OTUD1: variants seen among roughly 807,000 people sequenced by gnomAD.
OTUD1 encodes the protein OTU deubiquitinase 1.
A neutral mutation model predicts 30.0 loss-of-function variants in OTUD1; 15 were observed. The ratio of observed to expected loss-of-function variants is 0.50; its 90% confidence interval spans 0.33 to 0.77. The LOEUF is 0.77. Among genes scored for constraint, OTUD1 ranks in the 30% least tolerant of loss-of-function variants. The pLI is 0.02. For missense variants in OTUD1, 796 were observed against 697.8 expected (o/e 1.14, Z -1.59); for synonymous variants, 381 against 326.3 (o/e 1.17, Z -1.81).
At position 23,441,137 on chromosome 10, in the gene OTUD1, A is replaced by G. The variant is rs1023712816; in HGVS notation, c.*234A>G. ...TTTACTGCTATTTATAATTTGCTGT[A>G]TAAAGTGAGCATTACTTAATTTGCA... is the stretch of plus-strand genomic sequence containing the variant. On this transcript the variant is annotated 3_prime_UTR_variant, in exon 1 of 1. Transcript: ENST00000376495. The G allele has an allele frequency of 4.0e-5, 21 of 530,172 alleles. No individual in the cohort carries two copies. The highest frequency in any genetic ancestry group is 7.6e-5 in the African/African-American group (4 of 52,288). The allele number at this position is 530,172 out of a possible 1,614,324, so 32.8% of individuals were successfully genotyped here.
Position 23,440,899 on chromosome 10 carries a change from C to G in OTUD1, c.1442C>G (p.Ser481Cys). Residue 481 changes from serine to cysteine, a missense_variant, in exon 1 of 1, where the codon TCT becomes TGT. Physicochemically the swap from Ser to Cys is moderately radical, Grantham distance 112 (BLOSUM62 -1). Transcript: ENST00000376495. The stretch of plus-strand genomic sequence containing the variant: ...ATGTATATTGAACAAAATGCATGCT[C>G]TTGAAATGTCTCAAAACCTTACACC... The part of the protein sequence containing the change: ...SKMYIEQNAC[S>C] 1 of 1,549,454 alleles carries G rather than the reference C, an allele frequency of 6.5e-7. No homozygotes were observed. The highest frequency in any genetic ancestry group is 8.7e-7 in the Non-Finnish European group (1 of 1,145,788).
rs749645076 is a variant in OTUD1 at position 23,440,245 on chromosome 10, C to G, written c.788C>G (p.Pro263Arg). The change falls in exon 1 of 1, where the codon CCC becomes CGC. Residue 263 changes from proline to arginine, a missense_variant. Physicochemically the swap from Pro to Arg is moderately radical, Grantham distance 103. Coordinates refer to ENST00000376495, the MANE Select transcript of OTUD1 (RefSeq NM_001145373.3). ...CCCGACCCAGAGGCCGAGGCACCCC[C>G]CGCCGGGAGCATCGAGGCCGCCCCG... ...RRPDPEAEAP[P>R]AGSIEAAPSS... 1 of 1,542,836 alleles carries G rather than the reference C, an allele frequency of 6.5e-7. No homozygotes were observed. The highest frequency in any genetic ancestry group is 2.0e-5 in the Admixed American group (1 of 50,696).
At position 23,439,483 on chromosome 10, in the gene OTUD1, C is replaced by G. The variant is rs763571741; in HGVS notation, c.26C>G (p.Thr9Ser). The change falls in exon 1 of 1, where the codon ACC becomes AGC. Residue 9 changes from threonine (T) to serine (S), a missense_variant. By Grantham distance (58) the Thr-to-Ser change is moderately conservative. Coordinates refer to ENST00000376495, the MANE Select transcript of OTUD1 (RefSeq NM_001145373.3). MQLYSSVC[T>S]HYPAGAPGPT... ...ATGCAGCTCTACAGCAGCGTCTGCACCCACTACCCCGCCGGGGCCCCGGGT... is the reference window on the plus strand; with the variant it reads ...ATGCAGCTCTACAGCAGCGTCTGCAGCCACTACCCCGCCGGGGCCCCGGGT... 5 of 1,368,274 alleles carry G rather than the reference C, an allele frequency of 3.7e-6. No individual in the cohort carries two copies. Among genetic ancestry groups the G allele is most frequent in the South Asian group, 3.2e-5 (2 of 62,172 alleles). 84.8% of individuals were successfully genotyped at this position (1,368,274 alleles called of 1,614,324 possible).
rs1170415871 is a variant in OTUD1 at position 23,440,029 on chromosome 10, G to T, written c.572G>T (p.Arg191Leu). ...GACGCGACACGGGAGGGGCCCGATC[G>T]GAACTTCCGACTGAGCGAGCACCGC... ...GLDATREGPD[R>L]NFRLSEHRQA... is the part of the protein sequence containing the mutation. Residue 191 changes from arginine (R) to leucine (L), a missense_variant, in exon 1 of 1, where the codon CGG becomes CTG. Transcript: ENST00000376495. 13 of 1,446,152 alleles carry T rather than the reference G, an allele frequency of 9.0e-6. No individual in the cohort carries two copies. The African/African-American group carries it at 1.9e-4, about 21-fold the overall frequency. The allele number at this position is 1,446,152 out of a possible 1,614,324, so 89.6% of individuals were successfully genotyped here.
chr10:23,439,655 T>TGTCCCCGCCGCC lies in OTUD1; in HGVS notation c.199_210dup (p.Val67_Ala70dup). On this transcript the variant is annotated inframe_insertion, in exon 1 of 1. Coordinates refer to ENST00000376495, the MANE Select transcript of OTUD1 (RefSeq NM_001145373.3). ...CCGCCGAGCACCGGGAAGCCGCCGC[T>TGTCCCCGCCGCC]GTCCCCGCCGCCAAGATGCCCGCCT... 3 of 1,297,008 alleles carry TGTCCCCGCCGCC rather than the reference T, an allele frequency of 2.3e-6. No individual in the cohort carries two copies. The highest frequency in any genetic ancestry group is 3.0e-6 in the Non-Finnish European group (3 of 1,016,692). The allele number at this position is 1,297,008 out of a possible 1,614,324, so 80.3% of individuals were successfully genotyped here.
rs1424659943 is a variant in OTUD1, at chr10:23,440,258, C to G, written c.801C>G (p.Ile267Met). The G allele has an allele frequency of 1.3e-6, 2 of 1,544,264 alleles. No homozygotes were observed. Among genetic ancestry groups the G allele is most frequent in the Non-Finnish European group, 1.8e-6 (2 of 1,142,202 alleles). ...PEAEAPPAGS[I>M]EAAPSSAAEP... The stretch of plus-strand genomic sequence containing the variant: ...CCGAGGCACCCCCCGCCGGGAGCAT[C>G]GAGGCCGCCCCGAGTAGTGCGGCGG... Residue 267 changes from isoleucine (I) to methionine (M), a missense_variant, in exon 1 of 1, where the codon ATC becomes ATG. Transcript: ENST00000376495.
Position 23,440,276 on chromosome 10 carries a change from T to G in OTUD1, c.819T>G (p.Ser273Arg), listed in dbSNP as rs1052906195. 3.9e-6 allele frequency: 6 copies of G among 1,549,650 alleles called. No homozygotes were observed. The highest frequency in any genetic ancestry group is 5.2e-6 in the Non-Finnish European group (6 of 1,146,234). The change falls in exon 1 of 1, where the codon AGT (serine) becomes AGG (arginine). Residue 273 changes from serine (S) to arginine (R), a missense_variant. By Grantham distance (110) the Ser-to-Arg change is moderately radical. Coordinates refer to ENST00000376495, the MANE Select transcript of OTUD1 (RefSeq NM_001145373.3). Reference sequence around the variant, plus strand: ...GGAGCATCGAGGCCGCCCCGAGTAGTGCGGCGGAGCCGGTGATCGTCTCCA... The same window carrying G: ...GGAGCATCGAGGCCGCCCCGAGTAGGGCGGCGGAGCCGGTGATCGTCTCCA... Reference protein sequence around the residue: ...PAGSIEAAPSSAAEPVIVSRS... With the variant: ...PAGSIEAAPSRAAEPVIVSRS...
chr10:23,441,858 A>C lies in OTUD1; in HGVS notation c.*955A>C, dbSNP rs1285007718. The C allele has an allele frequency of 6.0e-6, 1 of 167,080 alleles. No homozygotes were observed. The highest frequency in any genetic ancestry group is 1.9e-4 in the East Asian group (1 of 5,202). The allele number at this position is 167,080 out of a possible 1,614,324, so 10.3% of individuals were successfully genotyped here. A position where few individuals can be genotyped will look rare whatever the true frequency, so the allele number is the denominator to read the frequency against. ...CTAATGGCATAAATGTCTGGAGCCA[A>C]CCTTGGCAGTTATAGCAGGAGAACA... is the stretch of plus-strand genomic sequence containing the variant. On this transcript the variant is annotated 3_prime_UTR_variant, in exon 1 of 1. Coordinates refer to ENST00000376495, the MANE Select transcript of OTUD1 (RefSeq NM_001145373.3).
Position 23,441,568 on chromosome 10 carries a change from T to G in OTUD1, c.*665T>G, listed in dbSNP as rs747100875. 2 of 138,762 alleles carry G rather than the reference T, an allele frequency of 1.4e-5. No individual in the cohort carries two copies. The highest frequency in any genetic ancestry group is 2.3e-4 in the South Asian group (1 of 4,278). The allele number at this position is 138,762 out of a possible 1,614,324, so 8.6% of individuals were successfully genotyped here. A position where few individuals can be genotyped will look rare whatever the true frequency, so the allele number is the denominator to read the frequency against. ...GGTTGTGGGAAGGTGTTTTTTTGTGTTTTTTTTTTGGTTTTTGTTTTGTTT... is the reference window on the plus strand; with the variant it reads ...GGTTGTGGGAAGGTGTTTTTTTGTGGTTTTTTTTTGGTTTTTGTTTTGTTT... On this transcript the variant is annotated 3_prime_UTR_variant, in exon 1 of 1. Coordinates refer to ENST00000376495, the MANE Select transcript of OTUD1 (RefSeq NM_001145373.3).
In OTUD1 at chr10:23,441,223, A is replaced by G. The variant is rs1847124177; in HGVS notation, c.*320A>G. On this transcript the variant is annotated 3_prime_UTR_variant, in exon 1 of 1. Transcript: ENST00000376495. ...GGTAGTCTATTTTCTATAAAAATGT[A>G]TTTTTGCACAACATTTTTAAAAACT... 1 of 275,560 alleles carries G rather than the reference A, an allele frequency of 3.6e-6. No individual in the cohort carries two copies. The highest frequency in any genetic ancestry group is 4.9e-5 in the Admixed American group (1 of 20,368). 17.1% of individuals were successfully genotyped at this position (275,560 alleles called of 1,614,324 possible). A position where few individuals can be genotyped will look rare whatever the true frequency, so the allele number is the denominator to read the frequency against.
Position 23,440,120 on chromosome 10 carries a change from C to G in OTUD1, c.663C>G (p.Pro221=). 1.7e-5 allele frequency: 24 copies of G among 1,426,400 alleles called. No homozygotes were observed. Among genetic ancestry groups the G allele is most frequent in the Admixed American group, 3.2e-5 (1 of 31,058 alleles). The allele number at this position is 1,426,400 out of a possible 1,614,324, so 88.4% of individuals were successfully genotyped here. The part of the protein sequence containing the change: ...AATPGSPDPG[P]GPWGEEHLAE... ...CCCCGGGGAGCCCCGATCCCGGCCC[C>G]GGTCCGTGGGGCGAAGAGCACTTGG... The change falls in exon 1 of 1, where the codon CCC becomes CCG. Residue 221 remains proline, a synonymous_variant. Coordinates refer to ENST00000376495, the MANE Select transcript of OTUD1 (RefSeq NM_001145373.3).
In OTUD1 at chr10:23,439,689, T is replaced by G. The variant is rs1319351986; in HGVS notation, c.232T>G (p.Cys78Gly). The G allele has an allele frequency of 5.5e-6, 7 of 1,267,426 alleles. No individual in the cohort carries two copies. The East Asian group carries it at 2.9e-4, about 52-fold the overall frequency. The allele number at this position is 1,267,426 out of a possible 1,614,324, so 78.5% of individuals were successfully genotyped here. A position where few individuals can be genotyped will look rare whatever the true frequency, so the allele number is the denominator to read the frequency against. ...CGCCAAGATGCCCGCCTTCTCCTCC[T>G]GCTTCGAGGTGGTGTCCGGGGCCGC... Reference protein sequence around the residue: ...PAAKMPAFSSCFEVVSGAAAP... With the variant: ...PAAKMPAFSSGFEVVSGAAAP... Residue 78 changes from cysteine to glycine, a missense_variant, in exon 1 of 1, where the codon TGC becomes GGC. Coordinates refer to ENST00000376495, the MANE Select transcript of OTUD1 (RefSeq NM_001145373.3).
rs1030729220 is a variant in OTUD1, at chr10:23,440,347, T to G, written c.890T>G (p.Val297Gly). 3 of 1,551,004 alleles carry G rather than the reference T, an allele frequency of 1.9e-6. No homozygotes were observed. In the African/African-American group the frequency reaches 4.1e-5, roughly 21 times the overall value. The change falls in exon 1 of 1, where the codon GTG (valine) becomes GGG (glycine). Residue 297 changes from valine to glycine, a missense_variant. Coordinates refer to ENST00000376495, the MANE Select transcript of OTUD1 (RefSeq NM_001145373.3). Reference sequence around the variant, plus strand: ...AAGCTGGCCCTATACCTGGCCGAGGTGGAGAAGCAGGACAAGTATCTGCGG... The same window carrying G: ...AAGCTGGCCCTATACCTGGCCGAGGGGGAGAAGCAGGACAAGTATCTGCGG... The part of the protein sequence containing the change: ...DEKLALYLAE[V>G]EKQDKYLRQR...
chr10:23,439,448 G>A lies in OTUD1; in HGVS notation c.-10G>A. 1 of 1,286,396 alleles carries A rather than the reference G, an allele frequency of 7.8e-7. No homozygotes were observed. Among genetic ancestry groups the A allele is most frequent in the South Asian group, 2.3e-5 (1 of 43,194 alleles). 79.7% of individuals were successfully genotyped at this position (1,286,396 alleles called of 1,614,324 possible). A position where few individuals can be genotyped will look rare whatever the true frequency, so the allele number is the denominator to read the frequency against. Reference sequence around the variant, plus strand: ...CCGCGCCTATAAGGGGCCGAGCGGCGGGCAGGGACATGCAGCTCTACAGCA... The same window carrying A: ...CCGCGCCTATAAGGGGCCGAGCGGCAGGCAGGGACATGCAGCTCTACAGCA... On this transcript the variant is annotated 5_prime_UTR_variant, in exon 1 of 1. Transcript: ENST00000376495.
chr10:23,439,946 C>G lies in OTUD1; in HGVS notation c.489C>G (p.Ser163=). 8.1e-7 allele frequency: 1 copy of G among 1,238,362 alleles called. No homozygotes were observed. The highest frequency in any genetic ancestry group is 1.0e-6 in the Non-Finnish European group (1 of 993,288). The allele number at this position is 1,238,362 out of a possible 1,614,324, so 76.7% of individuals were successfully genotyped here. ...PAAPVPPRRG[S]SAWLLEELLR... ...CCCCGGTCCCGCCGCGGCGGGGCTC[C>G]TCGGCCTGGCTCCTGGAGGAGCTGC... The change falls in exon 1 of 1, where the codon TCC becomes TCG. Residue 163 remains serine (S), a synonymous_variant. Coordinates refer to ENST00000376495, the MANE Select transcript of OTUD1 (RefSeq NM_001145373.3).
rs186364446 is a variant in OTUD1 at position 23,441,682 on chromosome 10, A to T, written c.*779A>T. On this transcript the variant is annotated 3_prime_UTR_variant, in exon 1 of 1. Coordinates refer to ENST00000376495, the MANE Select transcript of OTUD1 (RefSeq NM_001145373.3). ...GAATGATTATTCTGTACCCTGGTTG[A>T]TGTGTAGAGTAGATTGTCTGGTGCT... 5.4e-5 allele frequency: 9 copies of T among 166,972 alleles called. No homozygotes were observed. The highest frequency in any genetic ancestry group is 2.2e-4 in the African/African-American group (9 of 41,490). 10.3% of individuals were successfully genotyped at this position (166,972 alleles called of 1,614,324 possible).
rs1847103537 is a variant in OTUD1 at position 23,439,614 on chromosome 10, T to C, written c.157T>C (p.Cys53Arg). Residue 53 changes from cysteine to arginine, a missense_variant, in exon 1 of 1, where the codon TGC becomes CGC. Transcript: ENST00000376495. ...GAAPEPETGE[C>R]QPAAAAEHRE... is the part of the protein sequence containing the mutation. ...CGCGCCCGAGCCCGAGACCGGTGAG[T>C]GCCAGCCCGCCGCGGCCGCCGAGCA... The C allele has an allele frequency of 1.5e-6, 2 of 1,309,000 alleles. No homozygotes were observed. The highest frequency in any genetic ancestry group is 1.9e-6 in the Non-Finnish European group (2 of 1,026,702). The allele number at this position is 1,309,000 out of a possible 1,614,324, so 81.1% of individuals were successfully genotyped here.
chr10:23,440,341 C>T lies in OTUD1; in HGVS notation c.884C>T (p.Ala295Val). 6.4e-7 allele frequency: 1 copy of T among 1,551,290 alleles called. No individual in the cohort carries two copies. Among genetic ancestry groups the T allele is most frequent in the Non-Finnish European group, 8.7e-7 (1 of 1,146,886 alleles). Reference protein sequence around the residue: ...PRDEKLALYLAEVEKQDKYLR... With the variant: ...PRDEKLALYLVEVEKQDKYLR... ...GACGAGAAGCTGGCCCTATACCTGG[C>T]CGAGGTGGAGAAGCAGGACAAGTAT... The change falls in exon 1 of 1, where the codon GCC becomes GTC. Residue 295 changes from alanine (A) to valine (V), a missense_variant. By Grantham distance (64) the Ala-to-Val change is moderately conservative. Transcript: ENST00000376495.
At position 23,439,425 on chromosome 10, in the gene OTUD1, G is replaced by A. The variant is rs1236506869; in HGVS notation, c.-33G>A. 1.4e-4 allele frequency: 178 copies of A among 1,250,280 alleles called. No homozygotes were observed. The highest frequency in any genetic ancestry group is 3.2e-4 in the Middle Eastern group (1 of 3,166). The allele number at this position is 1,250,280 out of a possible 1,614,324, so 77.4% of individuals were successfully genotyped here. ...TGTGTCCCCCGCTCCGGGGCTCGCC[G>A]CGCCTATAAGGGGCCGAGCGGCGGG... On this transcript the variant is annotated 5_prime_UTR_variant, in exon 1 of 1. Transcript: ENST00000376495.
Sources: allele counts gnomAD v4.1 joint callset, GRCh38; gene constraint gnomAD v4.1.1; transcripts MANE v1.5; gene names NCBI Gene and HGNC (gene_info 2026-07-23, HGNC 2026-07-21).